CECR2: variants seen among roughly 807,000 people sequenced by gnomAD.
CECR2 encodes the protein chromatin remodeling regulator CECR2.
A neutral mutation model predicts 154.5 loss-of-function variants in CECR2; 30 were observed. The observed-to-expected ratio is 0.19, with a 90% confidence interval of 0.15 to 0.26. The LOEUF is 0.26. Among genes scored for constraint, CECR2 ranks in the 10% least tolerant of loss-of-function variants. The pLI, the probability that CECR2 is intolerant of heterozygous loss-of-function variation, is 1.00. For synonymous variants in CECR2, 725 were observed against 683.7 expected (o/e 1.06, Z -0.94); for missense variants, 1,743 against 1,829.3 (o/e 0.95, Z 0.86).
Position 17,499,615 on chromosome 22 carries a change from A to G in CECR2, c.545+66A>G, listed in dbSNP as rs190681366. On this transcript the variant is annotated intron_variant, in intron 4 of 18. Transcript: ENST00000262608. ...AAATGTCATTAAGATTAAATGCATC[A>G]GAATTCTACAGCACAATTTTTTTTT... is the stretch of plus-strand genomic sequence containing the variant. 6.4e-5 allele frequency: 93 copies of G among 1,456,744 alleles called. No individual in the cohort carries two copies. In the East Asian group the frequency reaches 2.0e-3, roughly 31 times the overall value. The allele number at this position is 1,456,744 out of a possible 1,614,324, so 90.2% of individuals were successfully genotyped here.
chr22:17,461,120 G>C (rs756642), intron 1 of CECR2, among the ~76,000 whole-genome samples: 21,632 of 152,208 alleles, frequency 0.14, 2,154 homozygotes, highest in East Asian at 0.53. Context: ...GCCAGCAGCT[G>C]TAGCAGCTCT....
intron 17 of CECR2, 31 bp from the exon 18 acceptor site, chr22:17,552,000 A>G (rs1191584002): frequency 3.7e-6 from 6 of 1,601,392 alleles, no homozygotes; most frequent in Non-Finnish European, 5.1e-6. Flanking sequence ...GTCTTCATTA[A>G]TTCTTCATTG....
Position 17,477,574 on chromosome 22 carries a change from T to C in CECR2, c.127-14T>C. Reference sequence around the variant, plus strand: ...TCTGTTTGATTTCTCAACTTCCCTCTCTCCCTCCCTCAGGAGTTAGAAGCC... The same window carrying C: ...TCTGTTTGATTTCTCAACTTCCCTCCCTCCCTCCCTCAGGAGTTAGAAGCC... On this transcript the variant is annotated splice_polypyrimidine_tract_variant and intron_variant, in intron 1 of 18. Coordinates refer to ENST00000262608, the MANE Select transcript of CECR2 (RefSeq NM_001290047.2). The C allele has an allele frequency of 6.4e-7, 1 of 1,566,538 alleles. No homozygotes were observed. The highest frequency in any genetic ancestry group is 1.1e-5 in the South Asian group (1 of 90,168).
intron 1 of CECR2, among the ~76,000 whole-genome samples, chr22:17,468,710 A>G (rs1307350967): frequency 6.6e-6 from 1 of 152,172 alleles, no homozygotes; most frequent in Admixed American, 6.6e-5. Flanking sequence ...CATGATGACC[A>G]TAGGTCCCAA....
chr22:17,476,093 T>C (rs1280909540), intron 1 of CECR2, among the ~76,000 whole-genome samples: 1 of 150,886 alleles, frequency 6.6e-6, no homozygotes, highest in African/African-American at 2.4e-5. Flanking sequence ...ATCTAAAGAA[T>C]AGTTAAACTG....
In CECR2 at chr22:17,389,248, T is replaced by G. The variant is rs546789445; in HGVS notation, c.126+19339T>G. ...ATGTGCTTTACTGCCATCTCCCTCTTTCTCCCCACCAAGCTATCTTCATAG... is the reference window on the plus strand; with the variant it reads ...ATGTGCTTTACTGCCATCTCCCTCTGTCTCCCCACCAAGCTATCTTCATAG... On this transcript the variant is annotated intron_variant, in intron 1 of 18. Coordinates refer to ENST00000262608, the MANE Select transcript of CECR2 (RefSeq NM_001290047.2). 6.4e-4 allele frequency among the ~76,000 whole-genome samples: 98 copies of G among 152,294 alleles called. No homozygotes were observed. In the Middle Eastern group the frequency reaches 0.01, roughly 16 times the overall value.
At position 17,542,342 on chromosome 22, in the gene CECR2, C is replaced by G; in HGVS notation, c.2199C>G (p.Phe733Leu). Reference protein sequence around the residue: ...MYAPAQFQPGFIPPRHGGAPA... With the variant: ...MYAPAQFQPGLIPPRHGGAPA... ...CTCCAGCTCAGTTCCAGCCAGGATT[C>G]ATTCCTCCCCGGCATGGGGGGGCTC... The change falls in exon 16 of 19, where the codon TTC becomes TTG. Residue 733 changes from phenylalanine to leucine, a missense_variant. By Grantham distance (22) the Phe-to-Leu change is conservative. Transcript: ENST00000262608. 1 of 1,613,718 alleles carries G rather than the reference C, an allele frequency of 6.2e-7. No individual in the cohort carries two copies. The highest frequency in any genetic ancestry group is 8.5e-7 in the Non-Finnish European group (1 of 1,179,766).
At chr22:17,487,537 A>T (rs78851384) in intron 2 of CECR2, among the ~76,000 whole-genome samples, 26,490 of 152,094 alleles carry the variant, frequency 0.17, 2,392 homozygotes, top group Non-Finnish European at 0.19. Flanking sequence ...GTCTGTACTT[A>T]AAAAATATAA....
At chr22:17,532,858 C>G (rs2056379973) in intron 9 of CECR2, among the ~76,000 whole-genome samples, 1 of 150,942 alleles carries the variant, frequency 6.6e-6, no homozygotes, top group Non-Finnish European at 1.5e-5. Context: ...GCTGGGATTA[C>G]AGGCATGTGC....
chr22:17,456,781 A>T (rs1180253828), intron 1 of CECR2, among the ~76,000 whole-genome samples: 1 of 152,232 alleles, frequency 6.6e-6, no homozygotes, highest in Non-Finnish European at 1.5e-5. Context: ...GAGATGGACT[A>T]AAATAAATTC....
intron 2 of CECR2, among the ~76,000 whole-genome samples, chr22:17,482,492 G>A (rs13053651): frequency 0.46 from 69,676 of 151,954 alleles, 16,744 homozygotes; most frequent in African/African-American, 0.6. Flanking sequence ...TGTATTTACT[G>A]TGCCGTACTT....
chr22:17,539,877 A>G (rs1323928539), intron 13 of CECR2, among the ~76,000 whole-genome samples: 1 of 152,142 alleles, frequency 6.6e-6, no homozygotes, highest in Non-Finnish European at 1.5e-5. Flanking sequence ...TCTGTCACCC[A>G]AGCAGGAGTG....
Position 17,431,941 on chromosome 22 carries a change from C to CAA in CECR2, c.127-45646_127-45645insAA, listed in dbSNP as rs200067703. Among the ~76,000 whole-genome samples the CAA allele has an allele frequency of 7.1e-3, 1,083 of 152,308 alleles. 11 individuals carry two copies. Among genetic ancestry groups the CAA allele is most frequent in the Non-Finnish European group, 8.3e-3 (564 of 68,024 alleles). ...AACCTTTCAGCAGGCACACTCCACT[C>CAA]ACGTTTTTCCCCATCCTCTGGAAAC... On this transcript the variant is annotated intron_variant, in intron 1 of 18. Transcript: ENST00000262608.
intron 1 of CECR2, among the ~76,000 whole-genome samples, chr22:17,414,501 C>CTTT (rs11421612): frequency 2.3e-5 from 3 of 132,458 alleles, no homozygotes; most frequent in African/African-American, 8.4e-5. Flanking sequence ...TATCAGTTTT[C>CTTT]TTTTTTTTTT....
intron 5 of CECR2, among the ~76,000 whole-genome samples, chr22:17,501,629 G>GTTCAGC (rs1307109359): frequency 6.6e-6 from 1 of 151,866 alleles, no homozygotes; most frequent in East Asian, 1.9e-4. Flanking sequence ...CTTTACAGAA[G>GTTCAGC]TTCAGCTTCA....
At chr22:17,510,785 T>G (rs5992726) in intron 7 of CECR2, among the ~76,000 whole-genome samples, 2,694 of 152,092 alleles carry the variant, frequency 0.018, 79 homozygotes, top group African/African-American at 0.061. Flanking sequence ...GTGTGTGTGT[T>G]TAGTAGAGAT....
chr22:17,553,770 C>T lies in CECR2; in HGVS notation c.*930C>T, dbSNP rs1363365515. 1 of 152,166 alleles carries T rather than the reference C, an allele frequency of 6.6e-6. No individual in the cohort carries two copies. The highest frequency in any genetic ancestry group is 1.9e-4 in the East Asian group (1 of 5,192). 9.4% of individuals were successfully genotyped at this position (152,166 alleles called of 1,614,324 possible). On this transcript the variant is annotated 3_prime_UTR_variant, in exon 19 of 19. Coordinates refer to ENST00000262608, the MANE Select transcript of CECR2 (RefSeq NM_001290047.2). ...AAACCAGTATCAGGAATTGGGATCG[C>T]TAGAGTGTTTCACGTATTAGAAGAT...
At chr22:17,414,418 A>G (rs983405014) in intron 1 of CECR2, among the ~76,000 whole-genome samples, 1 of 151,672 alleles carries the variant, frequency 6.6e-6, no homozygotes, top group Non-Finnish European at 1.5e-5. Context: ...AGTAGATTTA[A>G]AGTTATTTTT....
At chr22:17,453,217 G>C (rs2054799223) in intron 1 of CECR2, among the ~76,000 whole-genome samples, 1 of 152,164 alleles carries the variant, frequency 6.6e-6, no homozygotes, top group African/African-American at 2.4e-5. Context: ...CGAGGCGGGT[G>C]GATCACCTGA....
Sources: gnomAD v4.1 joint callset for allele counts (sites outside exome capture counted in the v4.1 genomes callset) on GRCh38, gnomAD v4.1.1 for gene constraint, MANE v1.5 for transcripts, NCBI Gene and HGNC (gene_info 2026-07-23, HGNC 2026-07-21) for gene names.